The following CR1L variants were observed in gnomAD, a reference collection of about 807,000 sequenced individuals.
CR1L encodes the protein complement C3b/C4b receptor 1 like.
Under a neutral mutation model 62.3 loss-of-function variants are expected in CR1L, and 59 were observed. That is an observed-to-expected ratio of 0.95 (90% CI 0.77 to 1.18). CR1L has a LOEUF of 1.18. Among genes scored for constraint, CR1L ranks in the 50% most tolerant of loss-of-function variants. The probability of loss-of-function intolerance (pLI) is 0.00; values close to 1 mark genes in which losing one functional copy is unlikely to be tolerated. For missense variants in CR1L, 700 were observed against 702.8 expected (o/e 1.00, Z 0.04); for synonymous variants, 279 against 248.7 (o/e 1.12, Z -1.15).
At chr1:207,705,997 ATATG>A (rs1266760226) in intron 9 of CR1L, among the ~76,000 whole-genome samples, 2 of 120,712 alleles carry the variant, frequency 1.7e-5, no homozygotes, top group African/African-American at 3.2e-5. Context: ...TGTGTCATAT[ATATG>A]TGTGTGTGTA....
intron 1 of CR1L, among the ~76,000 whole-genome samples, chr1:207,665,055 T>G (rs1341918868): frequency 1.3e-5 from 2 of 152,176 alleles, no homozygotes; most frequent in Non-Finnish European, 2.9e-5. Flanking sequence ...TAGTGAGCAT[T>G]TTTTTGGTTT....
At chr1:207,710,348 T>G in intron 10 of CR1L, 8 of 1,243,780 alleles carry the variant, frequency 6.4e-6, no homozygotes, top group Non-Finnish European at 9.4e-6. Context: ...GTCCCAAGGT[T>G]TTGTTTTGGT....
rs560710858 is a variant in CR1L, at chr1:207,712,927, A to G, written c.1415-4537A>G. Among the ~76,000 whole-genome samples, 174 of 152,286 alleles carry G rather than the reference A, an allele frequency of 1.1e-3. 1 individual carries two copies. Among genetic ancestry groups the G allele is most frequent in the African/African-American group, 4.0e-3 (167 of 41,546 alleles). On this transcript the variant is annotated intron_variant, in intron 10 of 11. Transcript: ENST00000508064. ...TGTGGAGAATCACTGAGTTAATCCA[A>G]TTAAGGAGCTGACCTAGTAGATAAG... is the stretch of plus-strand genomic sequence containing the variant.
At chr1:207,672,378 G>A (rs897346233) in intron 1 of CR1L, among the ~76,000 whole-genome samples, 1 of 144,268 alleles carries the variant, frequency 6.9e-6, no homozygotes, top group African/African-American at 2.9e-5. Context: ...CAAAATATGT[G>A]GGGCAAAGCT....
At chr1:207,645,817 C>T (rs1663114510) in intron 1 of CR1L, among the ~76,000 whole-genome samples, 2 of 152,272 alleles carry the variant, frequency 1.3e-5, no homozygotes, top group East Asian at 1.9e-4. Context: ...GTCTGCTGTG[C>T]CCCATGGGCT....
intron 3 of CR1L, among the ~76,000 whole-genome samples, chr1:207,678,562 G>A (rs867103132): frequency 6.6e-5 from 10 of 152,306 alleles, no homozygotes; most frequent in Middle Eastern, 3.4e-3. Flanking sequence ...GAAAATGGGG[G>A]AAGAGTATAG....
At chr1:207,682,445 G>A (rs759964334) in intron 3 of CR1L, among the ~76,000 whole-genome samples, 27 of 152,124 alleles carry the variant, frequency 1.8e-4, no homozygotes, top group Non-Finnish European at 3.2e-4. Context: ...GGCGACAAGA[G>A]TGAAACTCTA....
intron 1 of CR1L, chr1:207,652,657 T>C: frequency 9.3e-7 from 1 of 1,077,936 alleles, no homozygotes; most frequent in Non-Finnish European, 1.4e-6. Context: ...AGGACACTTC[T>C]ACGTACCTCC....
intron 1 of CR1L, among the ~76,000 whole-genome samples, chr1:207,653,681 G>A (rs1329092268): frequency 6.6e-6 from 1 of 152,208 alleles, no homozygotes; most frequent in Non-Finnish European, 1.5e-5. Context: ...CAGGCACTGA[G>A]CACTCGGTAA....
chr1:207,662,774 A>T (rs367959102), intron 1 of CR1L, among the ~76,000 whole-genome samples: 2 of 151,940 alleles, frequency 1.3e-5, no homozygotes, highest in African/African-American at 2.4e-5. Flanking sequence ...CCATCTTTGT[A>T]GTTTTATCTA....
intron 1 of CR1L, chr1:207,655,157 T>C (rs1295366701): frequency 7.7e-6 from 4 of 519,796 alleles, no homozygotes; most frequent in Non-Finnish European, 1.4e-5. Context: ...TTAATTGCTA[T>C]ACAAAACAGT....
At chr1:207,682,695 G>A (rs55638397) in intron 3 of CR1L, among the ~76,000 whole-genome samples, 9,268 of 152,200 alleles carry the variant, frequency 0.061, 618 homozygotes, top group East Asian at 0.36. Context: ...AACCATGACT[G>A]TTACTTGACA....
chr1:207,694,413 A>G lies in CR1L; in HGVS notation c.524A>G (p.Glu175Gly), dbSNP rs1664039360. Residue 175 changes from glutamate (E) to glycine (G), a missense_variant, in exon 5 of 12, where the codon GAG (glutamate) becomes GGG (glycine). By Grantham distance (98) the Glu-to-Gly change is moderately conservative. Transcript: ENST00000508064. ...GGAGATTTCACTAGCATCAGCAGAGAGTATTTTCACTATGGATCAGTGGTG... is the reference window on the plus strand; with the variant it reads ...GGAGATTTCACTAGCATCAGCAGAGGGTATTTTCACTATGGATCAGTGGTG... ...ANGDFTSISR[E>G]YFHYGSVVTY... 3 of 1,613,884 alleles carry G rather than the reference A, an allele frequency of 1.9e-6. No homozygotes were observed. In the African/African-American group the frequency reaches 4.0e-5, roughly 22 times the overall value.
chr1:207,710,849 G>T (rs552417600), intron 10 of CR1L: 3 of 1,404,810 alleles, frequency 2.1e-6, no homozygotes, highest in African/African-American at 1.4e-5. Flanking sequence ...ATCAGGAGAT[G>T]AGTATTTGTT....
chr1:207,669,331 C>T lies in CR1L; in HGVS notation c.98-8058C>T. The T allele has an allele frequency of 4.3e-6, 3 of 697,260 alleles. No individual in the cohort carries two copies. In the South Asian group the frequency reaches 4.7e-5, roughly 11 times the overall value. 43.2% of individuals were successfully genotyped at this position (697,260 alleles called of 1,614,324 possible). On this transcript the variant is annotated intron_variant, in intron 1 of 11. Coordinates refer to ENST00000508064, the MANE Select transcript of CR1L (RefSeq NM_175710.2). ...TTTGTCCCGGAACCCCGCAGCCCTC[C>T]CCATGCTCTGGGCGCGGAGCACAAG...
chr1:207,717,364 GA>G (rs1001971247), intron 10 of CR1L, 99 bp from the exon 11 acceptor site: 13 of 1,356,672 alleles, frequency 9.6e-6, no homozygotes, highest in East Asian at 2.4e-5. Flanking sequence ...CTTTCTAAAA[GA>G]AAAAAAATTA....
chr1:207,663,101 C>G (rs546984820), intron 1 of CR1L, among the ~76,000 whole-genome samples: 1 of 152,324 alleles, frequency 6.6e-6, no homozygotes, highest in Admixed American at 6.5e-5. Context: ...CAGGGACCCA[C>G]TTGAGGAGGT....
intron 10 of CR1L, among the ~76,000 whole-genome samples, chr1:207,713,100 C>T (rs553659137): frequency 5.9e-5 from 9 of 152,174 alleles, no homozygotes; most frequent in Admixed American, 2.0e-4. Context: ...TAAGTGGCAC[C>T]GCCTTCAGAA....
chr1:207,703,548 T>G (rs1482294792), intron 9 of CR1L, among the ~76,000 whole-genome samples: 3 of 152,252 alleles, frequency 2.0e-5, no homozygotes, highest in African/African-American at 7.2e-5. Flanking sequence ...TTGTATCCAA[T>G]CAGGCAAGAG....
Sources: allele counts gnomAD v4.1 joint callset (sites outside exome capture counted in the v4.1 genomes callset), GRCh38; gene constraint gnomAD v4.1.1; transcripts MANE v1.5; gene names NCBI Gene and HGNC (gene_info 2026-07-23, HGNC 2026-07-21).